PTER: variants seen among roughly 807,000 people sequenced by gnomAD.
PTER encodes the protein phosphotriesterase related, also known as N-acetyltaurine hydrolase.
A neutral mutation model predicts 29.6 loss-of-function variants in PTER; 38 were observed. The ratio of observed to expected loss-of-function variants is 1.28; its 90% CI spans 0.99 to 1.68. The LOEUF is 1.68. PTER is among the 40% of genes most tolerant of loss of function. The pLI, the probability that PTER is intolerant of heterozygous loss-of-function variation, is 0.00. For missense variants in PTER, 482 were observed against 427.8 expected (o/e 1.13, Z -1.12); for synonymous variants, 172 against 154.5 (o/e 1.11, Z -0.84).
At chr10:16,491,825 C>CAGTATA (rs1262386779) in intron 3 of PTER, among the ~76,000 whole-genome samples, 8 of 152,114 alleles carry the variant, frequency 5.3e-5, no homozygotes, top group Admixed American at 1.3e-4. Flanking sequence ...AGTAGTATTT[C>CAGTATA]CATCATTTCA....
chr10:16,517,682 C>T (rs1430480494), downstream of PTER, among the ~76,000 whole-genome samples: 6 of 152,018 alleles, frequency 3.9e-5, no homozygotes, highest in South Asian at 4.2e-4. Context: ...ATGAGAGCTG[C>T]GGTCATTTTA....
At chr10:16,449,372 T>C (rs1209859767) in intron 1 of PTER, among the ~76,000 whole-genome samples, 1 of 151,662 alleles carries the variant, frequency 6.6e-6, no homozygotes, top group Non-Finnish European at 1.5e-5. Context: ...GAGCTAAAAC[T>C]CTATTAAAAG....
chr10:16,440,232 AT>A (rs571560978), intron 1 of PTER, among the ~76,000 whole-genome samples: 1 of 151,334 alleles, frequency 6.6e-6, no homozygotes, highest in Non-Finnish European at 1.5e-5. Flanking sequence ...CGCCCAGCTA[AT>A]TTTTTTGTAT....
intron 3 of PTER, among the ~76,000 whole-genome samples, chr10:16,503,067 T>C (rs1217249004): frequency 1.8e-4 from 1 of 5,530 alleles, no homozygotes; most frequent in African/African-American, 4.0e-4. Context: ...TGATAGTGCT[T>C]TTTTTTTTTT....
intron 1 of PTER, among the ~76,000 whole-genome samples, chr10:16,476,454 T>C (rs1418002361): frequency 6.6e-6 from 1 of 152,172 alleles, no homozygotes; most frequent in Non-Finnish European, 1.5e-5. Context: ...ATGTGGTTAA[T>C]CAGGCAGATA....
At chr10:16,503,265 C>T (rs1411877620) in intron 3 of PTER, among the ~76,000 whole-genome samples, 2 of 151,258 alleles carry the variant, frequency 1.3e-5, no homozygotes, top group African/African-American at 4.9e-5. Context: ...CTTGCTCTGT[C>T]ACCCAGGCTG....
intron 3 of PTER, among the ~76,000 whole-genome samples, chr10:16,490,680 A>G (rs1017607601): frequency 1.0e-4 from 15 of 150,634 alleles, no homozygotes; most frequent in Non-Finnish European, 2.2e-4. Context: ...ATTCTGCTGG[A>G]AAGGTTTTCT....
intron 1 of PTER, among the ~76,000 whole-genome samples, chr10:16,468,076 T>C (rs1834905603): frequency 6.6e-6 from 1 of 152,186 alleles, no homozygotes; most frequent in African/African-American, 2.4e-5. Context: ...GCATGGTGGC[T>C]CATGACTGTA....
chr10:16,496,505 C>A (rs950185937), intron 3 of PTER, among the ~76,000 whole-genome samples: 1 of 152,176 alleles, frequency 6.6e-6, no homozygotes, highest in African/African-American at 2.4e-5. Context: ...TCTATTTCCC[C>A]TTATCTATTT....
At chr10:16,508,120 G>C (rs1352742127) in intron 4 of PTER, among the ~76,000 whole-genome samples, 1 of 144,028 alleles carries the variant, frequency 6.9e-6, no homozygotes, top group South Asian at 2.2e-4. Flanking sequence ...CCAGGCAGGA[G>C]CGCAGTGGCG....
intron 3 of PTER, among the ~76,000 whole-genome samples, chr10:16,502,057 C>T (rs1488248721): frequency 2.0e-5 from 3 of 152,200 alleles, no homozygotes; most frequent in Admixed American, 6.5e-5. Flanking sequence ...ACGGACTTTT[C>T]ACTAAGTATA....
At chr10:16,510,790 A>G (rs1836779298) in intron 4 of PTER, among the ~76,000 whole-genome samples, 1 of 152,174 alleles carries the variant, frequency 6.6e-6, no homozygotes, top group Non-Finnish European at 1.5e-5. Context: ...TTAATGCGGT[A>G]TTGCCAGGCA....
chr10:16,476,802 A>T (rs938961788), intron 1 of PTER, among the ~76,000 whole-genome samples: 4 of 151,634 alleles, frequency 2.6e-5, no homozygotes, highest in African/African-American at 9.7e-5. Flanking sequence ...GACTCAAGCA[A>T]TTGTCCCACC....
In PTER at chr10:16,462,156, T is replaced by C. The variant is rs372712113; in HGVS notation, c.-48-22181T>C. Among the ~76,000 whole-genome samples the C allele has an allele frequency of 3.5e-3, 535 of 152,258 alleles. 5 individuals are homozygous for C. Among genetic ancestry groups the C allele is most frequent in the African/African-American group, 0.012 (499 of 41,544 alleles). ...GCCTGCCACTACGCCTGGCTAATTT[T>C]TGTATTTTTAGTACAGATGGGGTTT... is the stretch of plus-strand genomic sequence containing the variant. On this transcript the variant is annotated intron_variant, in intron 1 of 4. Coordinates refer to ENST00000535784, the MANE Select transcript of PTER (RefSeq NM_001261836.2).
chr10:16,444,070 C>T (rs1194709645), intron 1 of PTER, among the ~76,000 whole-genome samples: 6 of 149,938 alleles, frequency 4.0e-5, no homozygotes, highest in South Asian at 2.1e-4. Flanking sequence ...GGCGCGATCT[C>T]GGCTGACTGC....
chr10:16,485,189 AT>A (rs909568145), intron 2 of PTER, among the ~76,000 whole-genome samples: 5 of 151,808 alleles, frequency 3.3e-5, no homozygotes, highest in African/African-American at 4.8e-5. Context: ...TGCTACCTCG[AT>A]TTTTTTTCAC....
At chr10:16,484,956 C>T in intron 2 of PTER, 140 bp downstream of exon 2, 1 of 854,626 alleles carries the variant, frequency 1.2e-6, no homozygotes, top group Non-Finnish European at 1.7e-6. Context: ...GTTGGGGCCC[C>T]AGTTAGTAAC....
In PTER at chr10:16,477,473, A is replaced by G. The variant is rs971103558; in HGVS notation, c.-48-6864A>G. On this transcript the variant is annotated intron_variant, in intron 1 of 4. Coordinates refer to ENST00000535784, the MANE Select transcript of PTER (RefSeq NM_001261836.2). ...ACTACAGGCGTGAGCTACTGTGCCC[A>G]GCCTAAAATATACATTTAAAAATCC... Among the ~76,000 whole-genome samples the G allele has an allele frequency of 3.3e-5, 5 of 152,256 alleles. No homozygotes were observed. In the South Asian group the frequency reaches 1.0e-3, roughly 32 times the overall value.
At chr10:16,474,000 G>A (rs193208555) in intron 1 of PTER, among the ~76,000 whole-genome samples, 2 of 152,246 alleles carry the variant, frequency 1.3e-5, no homozygotes, top group Non-Finnish European at 2.9e-5. Context: ...GGCAGATCAC[G>A]AGGTCAGGAG....
Sources: gnomAD v4.1 joint callset for allele counts (sites outside exome capture counted in the v4.1 genomes callset) on GRCh38, gnomAD v4.1.1 for gene constraint, MANE v1.5 for transcripts, NCBI Gene and HGNC (gene_info 2026-07-23, HGNC 2026-07-21) for gene names.